Variants in TTN observed in about 807,000 individuals in gnomAD.
TTN encodes the protein connectin.
TTN carries 1,525 observed loss-of-function variants against 3,223.0 expected under a neutral mutation model. The ratio of observed to expected loss-of-function variants is 0.47; its 90% confidence interval spans 0.45 to 0.49. TTN has a LOEUF of 0.49. Ranked by LOEUF, TTN falls within the 20% of genes least tolerant of loss-of-function variation. The pLI is 0.00. For synonymous variants in TTN, 14,094 were observed against 15,161.0 expected (o/e 0.93, Z 5.17); for missense variants, 40,786 against 43,424.0 (o/e 0.94, Z 5.40).
chr2:178,651,459 C>G lies in TTN; in HGVS notation c.39541G>C (p.Ala13181Pro). 1 of 1,610,014 alleles carries G rather than the reference C, an allele frequency of 6.2e-7. No homozygotes were observed. Among genetic ancestry groups the G allele is most frequent in the South Asian group, 1.1e-5 (1 of 90,362 alleles). The change falls in exon 207 of 363, where the codon GCT becomes CCT. Residue 13181 changes from alanine to proline, a missense_variant. Physicochemically the swap from Ala to Pro is conservative, Grantham distance 27. Transcript: ENST00000589042. The part of the protein sequence containing the change: ...VVPKKPEAPP[A>P]KVPEVPKEVV... The stretch of plus-strand genomic sequence containing the variant: ...AGTGGACAGCCACATATACCTTTAG[C>G]AGGTGGGGCTTCTGGCTTTTTGGGA...
At chr2:178,528,209 AG>A in intron 361 of TTN, 64 bp downstream of exon 361, 2 of 1,525,984 alleles carry the variant, frequency 1.3e-6, no homozygotes, top group Non-Finnish European at 1.8e-6. Flanking sequence ...TGTGCTTGAA[AG>A]AGAGGCAAAA....
rs139985320 is a variant in TTN at position 178,794,991 on chromosome 2, C to T, written c.1176G>A (p.Ala392=). The T allele has an allele frequency of 1.6e-5, 26 of 1,608,752 alleles. No individual in the cohort carries two copies. The highest frequency in any genetic ancestry group is 1.3e-4 in the African/African-American group (10 of 74,934). ...VQEQVTISGA[A]GAAASVSASA... ...TGGCCGACACACTGGCGGCAGCACC[C>T]GCAGCACCACTGATGGTCACTTGCT... Residue 392 remains alanine (A), a synonymous_variant, in exon 7 of 363, where the codon GCG becomes GCA. Coordinates refer to ENST00000589042, the MANE Select transcript of TTN (RefSeq NM_001267550.2).
chr2:178,599,062 G>T lies in TTN; in HGVS notation c.56648C>A (p.Ser18883Tyr). The T allele has an allele frequency of 6.5e-7, 1 of 1,538,244 alleles. No individual in the cohort carries two copies. Among genetic ancestry groups the T allele is most frequent in the Non-Finnish European group, 8.7e-7 (1 of 1,147,454 alleles). ...SEPETARNLFSVPGAPDKPTV... is the reference protein window; with the variant it reads ...SEPETARNLFYVPGAPDKPTV... ...TGGTTTATCTGGTGCTCCAGGGACA[G>T]CTGTGAAAAAGATCATATTGATTAT... is the stretch of plus-strand genomic sequence containing the variant. Residue 18883 changes from serine to tyrosine, a missense_variant and splice_region_variant, in exon 291 of 363, where the codon TCT becomes TAT. Transcript: ENST00000589042.
chr2:178,635,401 G>A (rs541930255), intron 227 of TTN, 39 bp downstream of exon 227: 23 of 1,602,992 alleles, frequency 1.4e-5, no homozygotes, highest in African/African-American at 1.3e-4. Context: ...TTACACATAC[G>A]CAAAACTTAT....
intron 235 of TTN, 29 bp downstream of exon 235, chr2:178,632,497 G>C: frequency 6.2e-7 from 1 of 1,603,706 alleles, no homozygotes; most frequent in African/African-American, 1.3e-5. Flanking sequence ...AAATGATTTT[G>C]GGGTGGACTA....
chr2:178,711,264 T>C lies in TTN; in HGVS notation c.27972A>G (p.Ile9324Met). 6.2e-7 allele frequency: 1 copy of C among 1,613,816 alleles called. No homozygotes were observed. The highest frequency in any genetic ancestry group is 8.5e-7 in the Non-Finnish European group (1 of 1,179,762). ...ACACGGAGATAGGTTCTGATCCACT[T>C]ATGGCACAATCAAAAACAACTGGCA... ...VGLPVVFDCA[I>M]SGSEPISVSW... Residue 9324 changes from isoleucine (I) to methionine (M), a missense_variant, in exon 97 of 363, where the codon ATA (isoleucine) becomes ATG (methionine). Physicochemically the swap from Ile to Met is conservative, Grantham distance 10. Transcript: ENST00000589042.
chr2:178,649,837 G>A lies in TTN; in HGVS notation c.39875C>T (p.Pro13292Leu). The A allele has an allele frequency of 6.2e-7, 1 of 1,612,408 alleles. No individual in the cohort carries two copies. The highest frequency in any genetic ancestry group is 1.1e-5 in the South Asian group (1 of 90,582). ...PEKKVPVIKK[P>L]EAPPPKEPEM... is the part of the protein sequence containing the mutation. ...AGTACCTTTAGGAGGCGGTGCTTCT[G>A]GTTTTTTGATGACAGGAACTTTCTT... is the stretch of plus-strand genomic sequence containing the variant. The change falls in exon 211 of 363, where the codon CCA (proline) becomes CTA (leucine). Residue 13292 changes from proline (P) to leucine (L), a missense_variant. Transcript: ENST00000589042.
At position 178,547,843 on chromosome 2, in the gene TTN, T is replaced by C; in HGVS notation, c.93783A>G (p.Arg31261=). ...LEEMRLKETD[R]VSITTTKDRT... is the part of the protein sequence containing the mutation. Reference sequence around the variant, plus strand: ...TGTCTTTTGTTGTTGTAATGCTCACTCGATCTGTCTCTTTAAGTCTCATTT... The same window carrying C: ...TGTCTTTTGTTGTTGTAATGCTCACCCGATCTGTCTCTTTAAGTCTCATTT... The change falls in exon 339 of 363, where the codon CGA becomes CGG. Residue 31261 remains arginine, a synonymous_variant. Coordinates refer to ENST00000589042, the MANE Select transcript of TTN (RefSeq NM_001267550.2). 6.2e-7 allele frequency: 1 copy of C among 1,613,928 alleles called. No homozygotes were observed. The highest frequency in any genetic ancestry group is 8.5e-7 in the Non-Finnish European group (1 of 1,179,840).
At position 178,571,082 on chromosome 2, in the gene TTN, A is replaced by G. The variant is rs771941844; in HGVS notation, c.75050T>C (p.Ile25017Thr). 4.3e-6 allele frequency: 7 copies of G among 1,613,202 alleles called. No individual in the cohort carries two copies. Among genetic ancestry groups the G allele is most frequent in the South Asian group, 2.2e-5 (2 of 91,046 alleles). ...CDPPGRPEAI[I>T]VTRNSVTLQW... Reference sequence around the variant, plus strand: ...AAGAGTCACAGAATTCCTTGTGACAATGATTGCCTCTGGCCGTCCTGGTGG... The same window carrying G: ...AAGAGTCACAGAATTCCTTGTGACAGTGATTGCCTCTGGCCGTCCTGGTGG... Residue 25017 changes from isoleucine (I) to threonine (T), a missense_variant, in exon 326 of 363, where the codon ATT becomes ACT. Coordinates refer to ENST00000589042, the MANE Select transcript of TTN (RefSeq NM_001267550.2).
Position 178,603,654 on chromosome 2 carries a change from T to A in TTN, c.54811+222A>T, listed in dbSNP as rs73036396. Among the ~76,000 whole-genome samples the A allele has an allele frequency of 0.018, 2,720 of 152,106 alleles. 79 individuals are homozygous for A. The highest frequency in any genetic ancestry group is 0.06 in the African/African-American group (2,480 of 41,536). On this transcript the variant is annotated intron_variant, in intron 282 of 362. Transcript: ENST00000589042. ...AAATATTTGGTTTAATCCAAGAGTTTACAAACTGTATGATTTTATGTATGT... is the reference window on the plus strand; with the variant it reads ...AAATATTTGGTTTAATCCAAGAGTTAACAAACTGTATGATTTTATGTATGT...
chr2:178,547,251 A>G lies in TTN; in HGVS notation c.94274T>C (p.Met31425Thr), dbSNP rs764947983. 1 of 1,613,814 alleles carries G rather than the reference A, an allele frequency of 6.2e-7. No individual in the cohort carries two copies. The highest frequency in any genetic ancestry group is 8.5e-7 in the Non-Finnish European group (1 of 1,179,736). The change falls in exon 340 of 363, where the codon ATG (methionine) becomes ACG (threonine). Residue 31425 changes from methionine to threonine, a missense_variant. Coordinates refer to ENST00000589042, the MANE Select transcript of TTN (RefSeq NM_001267550.2). ...PEVYHVSANA[M>T]SIRWEEPYHD... ...GTAGGGTTCTTCCCAACGAATAGAC[A>G]TGGCATTGGCAGACACATGGTAGAC...
Position 178,551,978 on chromosome 2 carries a change from T to A in TTN, c.90922A>T (p.Ser30308Cys). Residue 30308 changes from serine to cysteine, a missense_variant, in exon 335 of 363, where the codon AGC becomes TGC. By Grantham distance (112) the Ser-to-Cys change is moderately radical. Coordinates refer to ENST00000589042, the MANE Select transcript of TTN (RefSeq NM_001267550.2). ...RVRAENRYGV[S>C]QPLVSSIIVA... ...ATAATGCTTGAGACAAGTGGTTGGC[T>A]GACTCCGTATCTGTTTTCTGCTCTC... 6.2e-7 allele frequency: 1 copy of A among 1,611,804 alleles called. No homozygotes were observed. The highest frequency in any genetic ancestry group is 8.5e-7 in the Non-Finnish European group (1 of 1,178,094).
rs768911428 is a variant in TTN, at chr2:178,731,596, T to A, written c.17183-13A>T. The A allele has an allele frequency of 2.5e-6, 4 of 1,583,186 alleles. No homozygotes were observed. The East Asian group carries it at 9.0e-5, about 36-fold the overall frequency. On this transcript the variant is annotated splice_polypyrimidine_tract_variant and intron_variant, in intron 58 of 362. Coordinates refer to ENST00000589042, the MANE Select transcript of TTN (RefSeq NM_001267550.2). ...AAGGATGGGGGTTCTAACAGAAGAATGAATTCTCAATCAATATTATCCCTA... is the reference window on the plus strand; with the variant it reads ...AAGGATGGGGGTTCTAACAGAAGAAAGAATTCTCAATCAATATTATCCCTA...
chr2:178,616,287 C>T (rs186799948), intron 257 of TTN, among the ~76,000 whole-genome samples, 192 bp downstream of exon 257: 2 of 151,762 alleles, frequency 1.3e-5, no homozygotes, highest in East Asian at 2.0e-4. Flanking sequence ...AAGACAATTA[C>T]AATTATACAA....
rs760762822 is a variant in TTN at position 178,560,409 on chromosome 2, C to T, written c.85723G>A (p.Glu28575Lys). The T allele has an allele frequency of 5.7e-5, 92 of 1,613,534 alleles. 1 individual carries two copies. The highest frequency in any genetic ancestry group is 7.3e-5 in the Non-Finnish European group (86 of 1,179,790). The change falls in exon 326 of 363, where the codon GAG (glutamate) becomes AAG (lysine). Residue 28575 changes from glutamate (E) to lysine (K), a missense_variant. By Grantham distance (56) the Glu-to-Lys change is moderately conservative. Transcript: ENST00000589042. ...GATATTTCACTACCTCCATCACTCTCGGGTCTTGACCAGCAAAGTGTCATA... is the reference window on the plus strand; with the variant it reads ...GATATTTCACTACCTCCATCACTCTTGGGTCTTGACCAGCAAAGTGTCATA... ...ESMTLCWSRP[E>K]SDGGSEISGY...
chr2:178,749,494 T>C (rs2084748882), intron 47 of TTN: 2 of 1,612,782 alleles, frequency 1.2e-6, no homozygotes, highest in Non-Finnish European at 1.7e-6. Context: ...TTACTGAATA[T>C]TCTTTTACAT....
In TTN at chr2:178,621,241, A is replaced by C; in HGVS notation, c.45477T>G (p.Leu15159=). ...TAACGTCATATTTATCTCCAGATTC[A>C]AGTGTCTTATCATCCCTCTTCCACT... ...PVQWKRDDKT[L]ESGDKYDVIA... Residue 15159 remains leucine (L), a synonymous_variant, in exon 246 of 363, where the codon CTT becomes CTG. Coordinates refer to ENST00000589042, the MANE Select transcript of TTN (RefSeq NM_001267550.2). 6.2e-7 allele frequency: 1 copy of C among 1,612,268 alleles called. No homozygotes were observed.
At chr2:178,644,414 G>A (rs989421584) in intron 218 of TTN, 134 bp downstream of exon 218, 20 of 654,450 alleles carry the variant, frequency 3.1e-5, no homozygotes, top group Middle Eastern at 5.1e-4. Flanking sequence ...AAAAGCCACA[G>A]AAATATAAGA....
rs1560821110 is a variant in TTN at position 178,733,049 on chromosome 2, A to G, written c.16127T>C (p.Leu5376Pro). Reference protein sequence around the residue: ...VDSVVNGTCRLDCKIAGSLPM... With the variant: ...VDSVVNGTCRPDCKIAGSLPM... ...GAGGGAGCCTGCAATTTTGCAGTCCAGTCTGCAGGTACCATTAACAACACT... is the reference window on the plus strand; with the variant it reads ...GAGGGAGCCTGCAATTTTGCAGTCCGGTCTGCAGGTACCATTAACAACACT... Residue 5376 changes from leucine (L) to proline (P), a missense_variant, in exon 55 of 363, where the codon CTG becomes CCG. Transcript: ENST00000589042. The G allele has an allele frequency of 6.2e-7, 1 of 1,613,186 alleles. No homozygotes were observed. The highest frequency in any genetic ancestry group is 1.3e-5 in the African/African-American group (1 of 74,928).
Sources: gnomAD v4.1 joint callset for allele counts (sites outside exome capture counted in the v4.1 genomes callset) on GRCh38, gnomAD v4.1.1 for gene constraint, MANE v1.5 for transcripts, NCBI Gene and HGNC (gene_info 2026-07-23, HGNC 2026-07-21) for gene names.